AIM2: variants seen among roughly 807,000 people sequenced by gnomAD.
The protein encoded by AIM2 is absent in melanoma 2, also known as interferon-inducible protein AIM2.
Under a neutral mutation model 27.7 loss-of-function variants are expected in AIM2, and 30 were observed. That is an observed-to-expected ratio of 1.08 (90% CI 0.81 to 1.47). The LOEUF (loss-of-function observed/expected upper bound fraction) is 1.47, where lower values mean the gene tolerates loss of function less well. Among genes scored for constraint, AIM2 ranks in the 40% most tolerant of loss-of-function variants. The pLI, the probability that AIM2 is intolerant of heterozygous loss-of-function variation, is 0.00. For synonymous variants in AIM2, 141 were observed against 145.3 expected (o/e 0.97, Z 0.21); for missense variants, 358 against 411.3 (o/e 0.87, Z 1.12).
chr1:159,078,763 G>A (rs1397884002), upstream of AIM2, among the ~76,000 whole-genome samples: 5 of 152,150 alleles, frequency 3.3e-5, no homozygotes, highest in Non-Finnish European at 4.4e-5. Flanking sequence ...ACAGTCTCAC[G>A]GAGAAAAGTG....
intron 1 of AIM2, among the ~76,000 whole-genome samples, chr1:159,106,343 G>A (rs538470398): frequency 6.0e-4 from 92 of 152,352 alleles, no homozygotes; most frequent in Middle Eastern, 3.4e-3. Context: ...CATCTTCACA[G>A]TGGCTGCTCT....
At position 159,130,797 on chromosome 1, in the gene AIM2, T is replaced by C. The variant is rs1647848529; in HGVS notation, c.-16+9634A>G. Among the ~76,000 whole-genome samples, 3 of 109,684 alleles carry C rather than the reference T, an allele frequency of 2.7e-5. No homozygotes were observed. In the South Asian group the frequency reaches 1.0e-3, roughly 38 times the overall value. The allele number at this position is 109,684 out of a possible 152,430, so 72.0% of individuals were successfully genotyped here. On this transcript the variant is annotated intron_variant, in intron 1 of 2. Coordinates refer to the AIM2 transcript ENST00000368129. ...TTCCAAACTATAAATCTAAGCCTGG[T>C]CACCACACACACACACACACACACA...
chr1:159,130,542 C>T (rs917595676), intron 1 of AIM2, among the ~76,000 whole-genome samples: 1 of 152,008 alleles, frequency 6.6e-6, no homozygotes, highest in African/African-American at 2.4e-5. Flanking sequence ...GCCAGAAAGC[C>T]GGGAATCATC....
chr1:159,135,435 T>C lies in AIM2; in HGVS notation c.-16+4996A>G, dbSNP rs1647996122. Among the ~76,000 whole-genome samples, 3 of 152,182 alleles carry C rather than the reference T, an allele frequency of 2.0e-5. No homozygotes were observed. In the South Asian group the frequency reaches 6.2e-4, roughly 32 times the overall value. On this transcript the variant is annotated intron_variant, in intron 1 of 2. Transcript: ENST00000368129. Reference sequence around the variant, plus strand: ...TTGTATTTTAAAAATGCAGACATAATGAAATAGAACCCTAAATCTAGAATG... The same window carrying C: ...TTGTATTTTAAAAATGCAGACATAACGAAATAGAACCCTAAATCTAGAATG...
Position 159,065,943 on chromosome 1 carries a change from T to C in AIM2, c.783A>G (p.Gly261=). 1 of 1,613,640 alleles carries C rather than the reference T, an allele frequency of 6.2e-7. No homozygotes were observed. The highest frequency in any genetic ancestry group is 8.5e-7 in the Non-Finnish European group (1 of 1,179,792). ...CTACAAACAAACCATTCACAATTGT[T>C]CCAAGGGGCTGAGTTTGAAGCGTGT... is the stretch of plus-strand genomic sequence containing the variant. The part of the protein sequence containing the change: ...KINTLQTQPL[G]TIVNGLFVVQ... The change falls in exon 4 of 6, where the codon GGA becomes GGG. Residue 261 remains glycine (G), a synonymous_variant. Coordinates refer to ENST00000368130, the MANE Select transcript of AIM2 (RefSeq NM_004833.3).
At chr1:159,145,850 G>A (rs1305683709) in intron 1 of AIM2, among the ~76,000 whole-genome samples, 1 of 152,196 alleles carries the variant, frequency 6.6e-6, no homozygotes, top group Non-Finnish European at 1.5e-5. Context: ...GCTTATGCCT[G>A]TAATCCCAGC....
intron 1 of AIM2, among the ~76,000 whole-genome samples, chr1:159,113,301 A>T (rs1165133144): frequency 6.6e-6 from 1 of 152,152 alleles, no homozygotes; most frequent in African/African-American, 2.4e-5. Context: ...TTTATTTAGG[A>T]ACTCTTCCCC....
chr1:159,130,216 T>A (rs575775505), intron 1 of AIM2, among the ~76,000 whole-genome samples: 3 of 152,206 alleles, frequency 2.0e-5, no homozygotes, highest in Non-Finnish European at 2.9e-5. Context: ...AAATGATGGG[T>A]TCCTCAGGGC....
upstream of AIM2, among the ~76,000 whole-genome samples, chr1:159,143,817 C>T (rs927581222): frequency 6.6e-6 from 1 of 152,104 alleles, no homozygotes; most frequent in South Asian, 2.1e-4. Flanking sequence ...GCTGGGAATA[C>T]AATGATGGAG....
upstream of AIM2, among the ~76,000 whole-genome samples, chr1:159,080,354 T>G (rs888367936): frequency 2.0e-5 from 3 of 152,194 alleles, no homozygotes; most frequent in African/African-American, 7.2e-5. Flanking sequence ...GTTTTAAGAA[T>G]AAGGAGAAAA....
chr1:159,092,853 A>G (rs1207925971), intron 1 of AIM2, among the ~76,000 whole-genome samples: 1 of 151,924 alleles, frequency 6.6e-6, no homozygotes, highest in Non-Finnish European at 1.5e-5. Flanking sequence ...GTGAAACCCC[A>G]TCTCCATTAA....
intron 1 of AIM2, among the ~76,000 whole-genome samples, chr1:159,092,449 A>G (rs544422035): frequency 6.6e-6 from 1 of 152,316 alleles, no homozygotes; most frequent in East Asian, 1.9e-4. Flanking sequence ...TTCTGGACCC[A>G]GGCCCACATT....
intron 1 of AIM2, among the ~76,000 whole-genome samples, chr1:159,131,063 T>C (rs533955422): frequency 6.6e-6 from 1 of 152,260 alleles, no homozygotes; most frequent in African/African-American, 2.4e-5. Flanking sequence ...TGTTCCATGG[T>C]GTTCTCTGTA....
At chr1:159,063,890 A>G (rs549966346) in intron 4 of AIM2, among the ~76,000 whole-genome samples, 130 of 152,300 alleles carry the variant, frequency 8.5e-4, no homozygotes, top group Non-Finnish European at 1.4e-3. Flanking sequence ...TCCTCAGTCT[A>G]CTTAACATCA....
intron 1 of AIM2, among the ~76,000 whole-genome samples, chr1:159,113,820 A>G (rs1174175278): frequency 3.3e-5 from 5 of 152,168 alleles, no homozygotes; most frequent in African/African-American, 1.2e-4. Flanking sequence ...TTCTTTATTG[A>G]ATAGTGGTGA....
chr1:159,137,594 T>G (rs897010108), intron 1 of AIM2, among the ~76,000 whole-genome samples: 1 of 152,002 alleles, frequency 6.6e-6, no homozygotes, highest in Admixed American at 6.6e-5. Context: ...GAGGTGGAGG[T>G]TGCAGTGAGC....
At chr1:159,109,082 C>T (rs1336207036) in intron 1 of AIM2, among the ~76,000 whole-genome samples, 1 of 152,022 alleles carries the variant, frequency 6.6e-6, no homozygotes, top group Non-Finnish European at 1.5e-5. Flanking sequence ...CTCACATAGC[C>T]AAAGCAAGAC....
chr1:159,136,785 G>A lies in AIM2; in HGVS notation c.-16+3646C>T, dbSNP rs78429477. Among the ~76,000 whole-genome samples the A allele has an allele frequency of 3.1e-3, 472 of 152,232 alleles. 2 individuals carry two copies. Among genetic ancestry groups the A allele is most frequent in the Middle Eastern group, 0.02 (6 of 294 alleles). On this transcript the variant is annotated intron_variant, in intron 1 of 2. Coordinates refer to the AIM2 transcript ENST00000368129. ...AGCAAAATGAACATTTTTACCATTA[G>A]GTAATAACTATTGTAATGACAATAA...
chr1:159,078,959 C>T (rs1656708120), upstream of AIM2, among the ~76,000 whole-genome samples: 1 of 152,120 alleles, frequency 6.6e-6, no homozygotes, highest in South Asian at 2.1e-4. Context: ...TATAATTAAA[C>T]TAACTCATAA....
Sources: allele counts gnomAD v4.1 joint callset (sites outside exome capture counted in the v4.1 genomes callset), GRCh38; gene constraint gnomAD v4.1.1; transcripts MANE v1.5; gene names NCBI Gene and HGNC (gene_info 2026-07-23, HGNC 2026-07-21).